The following RC3H1 variants were observed in gnomAD, a reference collection of about 807,000 sequenced individuals.
RC3H1 encodes the protein ring finger and CCCH-type domains 1.
Under a neutral mutation model 138.2 loss-of-function variants are expected in RC3H1, and 50 were observed. The ratio of observed to expected loss-of-function variants is 0.36; its 90% CI spans 0.29 to 0.46. The LOEUF is 0.46. Among genes scored for constraint, RC3H1 ranks in the 20% least tolerant of loss-of-function variants. RC3H1 has a pLI of 1.00. For missense variants in RC3H1, 1,031 were observed against 1,388.1 expected (o/e 0.74, Z 4.09); for synonymous variants, 462 against 489.1 (o/e 0.94, Z 0.73).
At chr1:173,990,021 C>T (rs117256995) in intron 2 of RC3H1, among the ~76,000 whole-genome samples, 18,273 of 151,860 alleles carry the variant, frequency 0.12, 1,460 homozygotes, top group South Asian at 0.17. Context: ...CCACCGCGCC[C>T]GGCCTATTCA....
chr1:173,978,034 C>A (rs578074816), intron 7 of RC3H1, among the ~76,000 whole-genome samples: 3 of 151,852 alleles, frequency 2.0e-5, no homozygotes, highest in Non-Finnish European at 2.9e-5. Context: ...TTTCAGGTTA[C>A]GGAGAAGGAG....
intron 2 of RC3H1, among the ~76,000 whole-genome samples, chr1:173,987,360 T>C (rs192756288): frequency 1.1e-4 from 16 of 152,234 alleles, no homozygotes; most frequent in Admixed American, 3.9e-4. Flanking sequence ...ATTTATCTTA[T>C]ACCTGGGTTA....
intron 2 of RC3H1, among the ~76,000 whole-genome samples, chr1:173,992,279 G>A (rs960317254): frequency 2.6e-5 from 4 of 152,006 alleles, no homozygotes; most frequent in African/African-American, 4.8e-5. Context: ...CAAGTAGCTG[G>A]GATTACAGGC....
Position 173,946,486 on chromosome 1 carries a change from C to T in RC3H1, c.2951G>A (p.Arg984His), listed in dbSNP as rs781102998. ...NHQISQQTQLRGLEAVSNRLV... is the reference protein window; with the variant it reads ...NHQISQQTQLHGLEAVSNRLV... ...TCTCTAGGCTGGTACCTCTAGTCCACGTAGCTGGGTCTGCTGGCTAATCTG... is the reference window on the plus strand; with the variant it reads ...TCTCTAGGCTGGTACCTCTAGTCCATGTAGCTGGGTCTGCTGGCTAATCTG... The change falls in exon 17 of 20, where the codon CGT becomes CAT. Residue 984 changes from arginine to histidine, a missense_variant. Physicochemically the swap from Arg to His is conservative, Grantham distance 29. Coordinates refer to ENST00000367696, the MANE Select transcript of RC3H1 (RefSeq NM_172071.4). 77 of 1,613,950 alleles carry T rather than the reference C, an allele frequency of 4.8e-5. No individual in the cohort carries two copies. The East Asian group carries it at 1.4e-3, about 30-fold the overall frequency.
intron 1 of RC3H1, among the ~76,000 whole-genome samples, chr1:174,020,367 A>G (rs977153148): frequency 3.3e-5 from 5 of 152,192 alleles, no homozygotes; most frequent in Non-Finnish European, 5.9e-5. Context: ...ATGTTTATTC[A>G]ATTGCTAATC....
intron 7 of RC3H1, among the ~76,000 whole-genome samples, chr1:173,978,097 TATC>T (rs1040197747): frequency 1.4e-4 from 22 of 152,148 alleles, no homozygotes; most frequent in African/African-American, 5.3e-4. Context: ...AGGAACAAGA[TATC>T]ATGGAGAGGG....
At chr1:173,968,922 A>G (rs944524736) in intron 9 of RC3H1, among the ~76,000 whole-genome samples, 2 of 144,502 alleles carry the variant, frequency 1.4e-5, no homozygotes, top group Non-Finnish European at 3.0e-5. Context: ...GCTACGGTGC[A>G]ATCTCGGCTC....
chr1:173,975,681 G>A (rs1186422642), intron 7 of RC3H1, among the ~76,000 whole-genome samples: 4 of 103,686 alleles, frequency 3.9e-5, no homozygotes, highest in South Asian at 2.9e-4. Flanking sequence ...GGCGGATCAC[G>A]AGGTCAGGAG....
At chr1:173,962,238 T>G in intron 11 of RC3H1, 143 bp from the exon 12 acceptor site, 4 of 856,094 alleles carry the variant, frequency 4.7e-6, no homozygotes, top group Non-Finnish European at 7.1e-6. Flanking sequence ...GCTTATATAA[T>G]CAGGTTAGCT....
intron 8 of RC3H1, 46 bp from the exon 9 acceptor site, chr1:173,970,663 A>G (rs1207687449): frequency 3.3e-6 from 4 of 1,218,226 alleles, no homozygotes; most frequent in East Asian, 2.4e-5. Flanking sequence ...CCCCCCACAA[A>G]AAAACATAAA....
chr1:173,984,853 T>C (rs1419765657), intron 2 of RC3H1, among the ~76,000 whole-genome samples: 3 of 152,182 alleles, frequency 2.0e-5, no homozygotes, highest in Non-Finnish European at 4.4e-5. Flanking sequence ...TGGTTTAAAG[T>C]ACATACAATT....
intron 15 of RC3H1, 67 bp downstream of exon 15, chr1:173,947,302 G>C: frequency 1.9e-6 from 2 of 1,056,210 alleles, no homozygotes; most frequent in Non-Finnish European, 2.9e-6. Context: ...AGTAAATGGA[G>C]AGCAGGGGTA....
At chr1:173,950,860 C>T (rs1659365237) in intron 14 of RC3H1, among the ~76,000 whole-genome samples, 1 of 151,314 alleles carries the variant, frequency 6.6e-6, no homozygotes. Flanking sequence ...AGCAAGACCC[C>T]ATCTCTACAA....
chr1:173,958,241 C>A (rs115322501), intron 13 of RC3H1, among the ~76,000 whole-genome samples: 1 of 151,954 alleles, frequency 6.6e-6, no homozygotes, highest in African/African-American at 2.4e-5. Flanking sequence ...AATACGATTA[C>A]TTTAAAGTTG....
At chr1:174,001,124 G>A (rs1440870660) in intron 1 of RC3H1, among the ~76,000 whole-genome samples, 12 of 152,172 alleles carry the variant, frequency 7.9e-5, no homozygotes, top group Non-Finnish European at 1.6e-4. Flanking sequence ...GAAAGGTGGA[G>A]GAAAGTTCAA....
At chr1:173,950,879 T>A (rs1012422584) in intron 14 of RC3H1, among the ~76,000 whole-genome samples, 7 of 151,352 alleles carry the variant, frequency 4.6e-5, no homozygotes, top group South Asian at 2.1e-4. Flanking sequence ...AACATTTTTT[T>A]AAAAAAATTA....
At chr1:173,939,528 CAAAAAAAAA>C (rs61301994) in intron 19 of RC3H1, among the ~76,000 whole-genome samples, 52 of 35,942 alleles carry the variant, frequency 1.4e-3, no homozygotes, top group Non-Finnish European at 1.5e-3. Flanking sequence ...GAGATTTTAT[CAAAAAAAAA>C]AAAAAAAAAA....
chr1:173,946,927 A>G (rs568928126), intron 15 of RC3H1, 91 bp from the exon 16 acceptor site: 18 of 855,420 alleles, frequency 2.1e-5, no homozygotes, highest in Non-Finnish European at 3.5e-5. Flanking sequence ...CGTATTGCAT[A>G]CACAGGTATC....
At chr1:174,008,777 G>T (rs896888516) in intron 1 of RC3H1, among the ~76,000 whole-genome samples, 2 of 152,130 alleles carry the variant, frequency 1.3e-5, no homozygotes, top group African/African-American at 4.8e-5. Flanking sequence ...AGGAGTTTGA[G>T]ACCAGCCTGA....
Sources: gnomAD v4.1 joint callset for allele counts (sites outside exome capture counted in the v4.1 genomes callset) on GRCh38, gnomAD v4.1.1 for gene constraint, MANE v1.5 for transcripts, NCBI Gene and HGNC (gene_info 2026-07-23, HGNC 2026-07-21) for gene names.